The following SGSM2 variants were observed in gnomAD, a reference collection of about 807,000 sequenced individuals.
SGSM2 encodes the protein small G protein signaling modulator 2, also known as RUN and TBC1 domain containing 1.
SGSM2 carries 89 observed loss-of-function variants against 126.6 expected under a neutral mutation model. The ratio of observed to expected loss-of-function variants is 0.70; its 90% CI spans 0.59 to 0.84. The LOEUF (loss-of-function observed/expected upper bound fraction) is 0.84. Among genes scored for constraint, SGSM2 ranks in the 40% least tolerant of loss-of-function variants. The pLI is 0.00. For missense variants in SGSM2, 1,404 were observed against 1,416.6 expected (o/e 0.99, Z 0.14); for synonymous variants, 614 against 574.3 (o/e 1.07, Z -0.99).
intron 2 of SGSM2, among the ~76,000 whole-genome samples, chr17:2,353,056 C>T (rs1433055555): frequency 2.0e-5 from 3 of 152,012 alleles, no homozygotes; most frequent in Admixed American, 6.6e-5. Flanking sequence ...GGATTACAGG[C>T]GTGAGCCACC....
At chr17:2,343,342 C>G (rs1047831407) in intron 1 of SGSM2, among the ~76,000 whole-genome samples, 3 of 152,198 alleles carry the variant, frequency 2.0e-5, no homozygotes, top group East Asian at 3.9e-4. Context: ...TTTGGCATCT[C>G]TTTCCCTGGT....
rs748685364 is a variant in SGSM2 at position 2,372,980 on chromosome 17, C to T, written c.1816C>T (p.Gln606Ter). ...CTACAAAGAGCTGGAGCTGCTGCGGCAAGTTTACTACGGAGGCATAGAGCA... is the reference window on the plus strand; with the variant it reads ...CTACAAAGAGCTGGAGCTGCTGCGGTAAGTTTACTACGGAGGCATAGAGCA... ...KNYKELELLR[Q>*]VYYGGIEHEI... Residue 606 changes from glutamine (Q) to a stop codon, truncating the protein, a stop_gained, in exon 16 of 24, where the codon CAA (glutamine) becomes TAA (stop). Coordinates refer to ENST00000268989, the MANE Select transcript of SGSM2 (RefSeq NM_014853.3). LOFTEE classifies it high-confidence loss of function. This position sits in a 1 kb window ranked among gnomAD's most constrained non-coding sequence, Gnocchi z 6.0. 2 of 1,578,968 alleles carry T rather than the reference C, an allele frequency of 1.3e-6. No individual in the cohort carries two copies. The highest frequency in any genetic ancestry group is 1.7e-6 in the Non-Finnish European group (2 of 1,161,898).
At chr17:2,342,143 G>T (rs1040449805) in intron 1 of SGSM2, among the ~76,000 whole-genome samples, 3 of 152,046 alleles carry the variant, frequency 2.0e-5, no homozygotes, top group Admixed American at 6.6e-5. Flanking sequence ...GCCGGGTGTG[G>T]TGGCGGCTCA....
chr17:2,368,901 C>T (rs1299165138), intron 12 of SGSM2, among the ~76,000 whole-genome samples: 1 of 152,178 alleles, frequency 6.6e-6, no homozygotes, highest in Non-Finnish European at 1.5e-5. Context: ...CTGGAGGGTC[C>T]TAGCAGAGCC....
At chr17:2,361,585 C>A in intron 2 of SGSM2, 52 bp from the exon 3 acceptor site, 2 of 1,589,302 alleles carry the variant, frequency 1.3e-6, no homozygotes, top group Non-Finnish European at 1.7e-6. Context: ...AGCTTTTCTT[C>A]CTGCTCCCCC....
chr17:2,372,496 C>A lies in SGSM2; in HGVS notation c.1788+8C>A, dbSNP rs1400963692. On this transcript the variant is annotated splice_region_variant and intron_variant, in intron 15 of 23. Coordinates refer to ENST00000268989, the MANE Select transcript of SGSM2 (RefSeq NM_014853.3). This position sits in a 1 kb window ranked among gnomAD's most constrained non-coding sequence, Gnocchi z 6.0. ...TATCAGAAGGACAAAAAGGTGCCAA[C>A]CCTGGGGTTCCAGGGCCACAGGTCG... is the stretch of plus-strand genomic sequence containing the variant. 1 of 1,595,712 alleles carries A rather than the reference C, an allele frequency of 6.3e-7. No individual in the cohort carries two copies. The highest frequency in any genetic ancestry group is 8.5e-7 in the Non-Finnish European group (1 of 1,174,892).
chr17:2,375,639 T>A lies in SGSM2; in HGVS notation c.2248T>A (p.Ser750Thr), dbSNP rs2066099972. 2 of 1,613,948 alleles carry A rather than the reference T, an allele frequency of 1.2e-6. No homozygotes were observed. Among genetic ancestry groups the A allele is most frequent in the African/African-American group, 1.3e-5 (1 of 75,032 alleles). ...QHSVEFDSPD[S>T]GLPSSRNYSV... is the part of the protein sequence containing the mutation. ...TTCCGTGGAGTTCGACTCTCCAGAC[T>A]CAGGACTGCCCTCCTCTCGCAATTA... Residue 750 changes from serine to threonine, a missense_variant, in exon 18 of 24, where the codon TCA becomes ACA. Ser to Thr is a moderately conservative substitution (Grantham distance 58). Coordinates refer to ENST00000268989, the MANE Select transcript of SGSM2 (RefSeq NM_014853.3).
rs547362636 is a variant in SGSM2 at position 2,339,414 on chromosome 17, G to A, written c.57+1669G>A. 5.9e-5 allele frequency among the ~76,000 whole-genome samples: 9 copies of A among 152,038 alleles called. No individual in the cohort carries two copies. In the South Asian group the frequency reaches 1.5e-3, roughly 25 times the overall value. On this transcript the variant is annotated intron_variant, in intron 1 of 23. Transcript: ENST00000268989. ...CGAACCACTGCAGTCTAGCCTGGGC[G>A]ACAGAGCAACTCTCCGTCTAAAAAA...
chr17:2,379,209 A>C lies in SGSM2; in HGVS notation c.3067+6A>C. 6.2e-7 allele frequency: 1 copy of C among 1,613,976 alleles called. No homozygotes were observed. The highest frequency in any genetic ancestry group is 8.5e-7 in the Non-Finnish European group (1 of 1,179,916). ...CATCATCAAGTTTTTCAATGGTACG[A>C]GCTGGTCCAGCCATCCAGGCTGCCC... On this transcript the variant is annotated splice_donor_region_variant and intron_variant, in intron 23 of 23. Coordinates refer to ENST00000268989, the MANE Select transcript of SGSM2 (RefSeq NM_014853.3).
chr17:2,364,971 C>G lies in SGSM2; in HGVS notation c.1075C>G (p.His359Asp), dbSNP rs1348088687. The G allele has an allele frequency of 1.2e-6, 2 of 1,613,520 alleles. No homozygotes were observed. Among genetic ancestry groups the G allele is most frequent in the African/African-American group, 2.7e-5 (2 of 74,936 alleles). ...RPPLHFPQGG[H>D]LLSFLSCLEN... is the part of the protein sequence containing the mutation. ...GCCGCTGCATTTCCCACAGGGAGGA[C>G]ACCTGCTGTCCTTTCTGTCCTGTCT... Residue 359 changes from histidine (H) to aspartate (D), a missense_variant, in exon 10 of 24, where the codon CAC (histidine) becomes GAC (aspartate). Coordinates refer to ENST00000268989, the MANE Select transcript of SGSM2 (RefSeq NM_014853.3).
rs764683188 is a variant in SGSM2, at chr17:2,363,555, C to G, written c.763C>G (p.Arg255Gly). The change falls in exon 7 of 24, where the codon CGG (arginine) becomes GGG (glycine). Residue 255 changes from arginine (R) to glycine (G), a missense_variant. By Grantham distance (125) the Arg-to-Gly change is moderately radical. Coordinates refer to ENST00000268989, the MANE Select transcript of SGSM2 (RefSeq NM_014853.3). This position sits in a 1 kb window ranked among gnomAD's most constrained non-coding sequence, Gnocchi z 4.2. ...ECVESLHQNS[R>G]TRLLYGKNHV... Reference sequence around the variant, plus strand: ...TGTGGAGTCCCTGCACCAGAACTCACGGACGCGGCTGCTCTATGGCAAGAA... The same window carrying G: ...TGTGGAGTCCCTGCACCAGAACTCAGGGACGCGGCTGCTCTATGGCAAGAA... 1.9e-6 allele frequency: 3 copies of G among 1,613,366 alleles called. No homozygotes were observed. The highest frequency in any genetic ancestry group is 2.7e-5 in the African/African-American group (2 of 74,940).
Position 2,357,669 on chromosome 17 carries a change from T to C in SGSM2, c.134-3968T>C, listed in dbSNP as rs146439942. On this transcript the variant is annotated intron_variant, in intron 2 of 23. Coordinates refer to ENST00000268989, the MANE Select transcript of SGSM2 (RefSeq NM_014853.3). ...CCCACCACGACACCCGGCTAATTTT[T>C]GTATTTTTAGCAGAGACGGAGTTTC... 2.6e-4 allele frequency among the ~76,000 whole-genome samples: 39 copies of C among 152,260 alleles called. No individual in the cohort carries two copies. The East Asian group carries it at 7.0e-3, about 27-fold the overall frequency.
chr17:2,347,607 G>GC (rs775129636), intron 2 of SGSM2, among the ~76,000 whole-genome samples: 8 of 149,454 alleles, frequency 5.4e-5, no homozygotes, highest in Non-Finnish European at 7.4e-5. Flanking sequence ...ATCTCCTGTC[G>GC]CCCCCTCCCC....
chr17:2,362,427 C>G lies in SGSM2; in HGVS notation c.458+157C>G, dbSNP rs12948426. Among the ~76,000 whole-genome samples the G allele has an allele frequency of 6.7e-6, 1 of 148,364 alleles. No individual in the cohort carries two copies. Among genetic ancestry groups the G allele is most frequent in the African/African-American group, 2.5e-5 (1 of 39,866 alleles). On this transcript the variant is annotated intron_variant, in intron 4 of 23. Coordinates refer to ENST00000268989, the MANE Select transcript of SGSM2 (RefSeq NM_014853.3). This position sits in a 1 kb window ranked among gnomAD's most constrained non-coding sequence, Gnocchi z 4.9. ...CCCCCCAAAACTGCAGGTGACCGCC[C>G]CGTTCCCAAAAACTGCAGGTGACCG... is the stretch of plus-strand genomic sequence containing the variant.
At position 2,373,162 on chromosome 17, in the gene SGSM2, C is replaced by T. The variant is rs78795015; in HGVS notation, c.1917+81C>T. 13,835 of 1,577,132 alleles carry T rather than the reference C, an allele frequency of 8.8e-3. 584 individuals are homozygous for T. The African/African-American group carries it at 0.099, about 11-fold the overall frequency. On this transcript the variant is annotated intron_variant, in intron 16 of 23. Coordinates refer to ENST00000268989, the MANE Select transcript of SGSM2 (RefSeq NM_014853.3). The stretch of plus-strand genomic sequence containing the variant: ...GCCAGGGAGGGGACCTTGGAAGCCT[C>T]AGCCCCTTCCCAGCCGGAAAGAAGC...
chr17:2,365,075 C>G lies in SGSM2; in HGVS notation c.1161+18C>G, dbSNP rs2065495327. The G allele has an allele frequency of 6.2e-7, 1 of 1,609,110 alleles. No individual in the cohort carries two copies. The highest frequency in any genetic ancestry group is 1.3e-5 in the African/African-American group (1 of 74,878). Reference sequence around the variant, plus strand: ...AAGGGAAGGTAACTCGGGTGGGAGGCTTTAGGGGAAGGGCTGTGTGTGGGG... The same window carrying G: ...AAGGGAAGGTAACTCGGGTGGGAGGGTTTAGGGGAAGGGCTGTGTGTGGGG... On this transcript the variant is annotated intron_variant, in intron 10 of 23. Coordinates refer to ENST00000268989, the MANE Select transcript of SGSM2 (RefSeq NM_014853.3).
chr17:2,378,892 A>G (rs1285707515), intron 22 of SGSM2, 144 bp from the exon 23 acceptor site: 2 of 957,798 alleles, frequency 2.1e-6, no homozygotes, highest in South Asian at 1.6e-5. Flanking sequence ...GCCTGTGAGC[A>G]GCCAGTCCGG....
rs918955163 is a variant in SGSM2, at chr17:2,372,655, C to T, written c.1788+167C>T. The T allele has an allele frequency of 4.7e-5, 48 of 1,021,636 alleles. No homozygotes were observed. Among genetic ancestry groups the T allele is most frequent in the South Asian group, 9.0e-5 (6 of 66,700 alleles). 63.3% of individuals were successfully genotyped at this position (1,021,636 alleles called of 1,614,324 possible). A position where few individuals can be genotyped will look rare whatever the true frequency, so the allele number is the denominator to read the frequency against. ...CTTGCAGCTGGGCCTGGGGCTGACA[C>T]GGGAAGGGGGCTGGACTGGGAAGCC... is the stretch of plus-strand genomic sequence containing the variant. On this transcript the variant is annotated intron_variant, in intron 15 of 23. Coordinates refer to ENST00000268989, the MANE Select transcript of SGSM2 (RefSeq NM_014853.3). This position sits in a 1 kb window ranked among gnomAD's most constrained non-coding sequence, Gnocchi z 6.0.
intron 9 of SGSM2, 52 bp from the exon 10 acceptor site, chr17:2,364,845 G>T (rs2447099): frequency 6.3e-7 from 1 of 1,592,282 alleles, no homozygotes; most frequent in Non-Finnish European, 8.5e-7. Flanking sequence ...GGCCAGCAGG[G>T]TGTGATAGCC....
Sources: gnomAD v4.1 joint callset for allele counts (sites outside exome capture counted in the v4.1 genomes callset) on GRCh38, gnomAD v4.1.1 for gene constraint, Gnocchi (gnomAD v3.1) non-coding constraint, MANE v1.5 for transcripts, NCBI Gene and HGNC (gene_info 2026-07-23, HGNC 2026-07-21) for gene names.